Variants in OSBPL9 observed in about 807,000 individuals in gnomAD.
The protein encoded by OSBPL9 is oxysterol binding protein like 9, also known as oxysterol-binding protein-related protein 9.
OSBPL9 carries 40 observed loss-of-function variants against 106.6 expected under a neutral mutation model. The observed-to-expected ratio is 0.38, with a 90% CI of 0.29 to 0.49. OSBPL9 has a LOEUF of 0.49. Ranked by LOEUF, OSBPL9 falls within the 20% of genes least tolerant of loss-of-function variation. The pLI is 0.97. For synonymous variants in OSBPL9, 269 were observed against 295.4 expected, an observed-to-expected ratio of 0.91 and a Z score of 0.92; for missense variants, 609 against 887.2, an observed-to-expected ratio of 0.69 and a Z score of 3.98.
At chr1:51,622,841 C>T (rs937313788) in intron 1 of OSBPL9, among the ~76,000 whole-genome samples, 3 of 152,156 alleles carry the variant, frequency 2.0e-5, no homozygotes, top group African/African-American at 7.2e-5. Flanking sequence ...ACTCATGCTC[C>T]TGGGGATGGG....
intron 1 of OSBPL9, among the ~76,000 whole-genome samples, chr1:51,624,420 T>C (rs1037015338): frequency 6.6e-6 from 1 of 151,910 alleles, no homozygotes; most frequent in Admixed American, 6.6e-5. Flanking sequence ...AAACCCCGTC[T>C]GTACTAAAAA....
intron 3 of OSBPL9, among the ~76,000 whole-genome samples, chr1:51,708,571 A>G (rs1659128420): frequency 6.6e-6 from 1 of 152,174 alleles, no homozygotes; most frequent in Non-Finnish European, 1.5e-5. Flanking sequence ...TGTAAGCATC[A>G]TATACTTTTA....
intron 21 of OSBPL9, chr1:51,786,228 A>G (rs1291727857): frequency 4.5e-6 from 2 of 447,368 alleles, no homozygotes; most frequent in Non-Finnish European, 8.0e-6. Flanking sequence ...GAAGCACTAA[A>G]CTGTGTGTTT....
chr1:51,641,975 A>G (rs1645823690), intron 1 of OSBPL9, among the ~76,000 whole-genome samples: 1 of 152,244 alleles, frequency 6.6e-6, no homozygotes, highest in Non-Finnish European at 1.5e-5. Context: ...CTTTTAAAAA[A>G]GGTAAGTGTC....
At chr1:51,606,302 T>A (rs1221546175) in intron 2 of OSBPL9, among the ~76,000 whole-genome samples, 1 of 152,230 alleles carries the variant, frequency 6.6e-6, no homozygotes, top group Non-Finnish European at 1.5e-5. Context: ...GACTCTGAGA[T>A]CCTTGAGGAC....
At chr1:51,643,969 A>G (rs1645978778) in intron 1 of OSBPL9, among the ~76,000 whole-genome samples, 1 of 150,004 alleles carries the variant, frequency 6.7e-6, no homozygotes, top group South Asian at 2.1e-4. Flanking sequence ...AGTCCCAGCT[A>G]CTCTGGAGGC....
chr1:51,695,709 G>A lies in OSBPL9; in HGVS notation c.242-18294G>A, dbSNP rs369339357. ...ATTGCTGCTTTTTAGGTGCTATGTCGTTGTGAAATACTAAACTTTTCTGTT... is the reference window on the plus strand; with the variant it reads ...ATTGCTGCTTTTTAGGTGCTATGTCATTGTGAAATACTAAACTTTTCTGTT... On this transcript the variant is annotated intron_variant, in intron 3 of 23. Coordinates refer to ENST00000428468, the MANE Select transcript of OSBPL9 (RefSeq NM_024586.6). Among the ~76,000 whole-genome samples, 4 of 152,230 alleles carry A rather than the reference G, an allele frequency of 2.6e-5. No homozygotes were observed. In the South Asian group the frequency reaches 6.2e-4, roughly 24 times the overall value.
At chr1:51,748,665 C>G (rs573999606) in intron 7 of OSBPL9, among the ~76,000 whole-genome samples, 1 of 152,258 alleles carries the variant, frequency 6.6e-6, no homozygotes, top group African/African-American at 2.4e-5. Context: ...CTTCCACGCA[C>G]AGTGGATATG....
At position 51,659,006 on chromosome 1, in the gene OSBPL9, T is replaced by C. The variant is rs568219758; in HGVS notation, c.162+6965T>C. On this transcript the variant is annotated intron_variant, in intron 2 of 23. Coordinates refer to ENST00000428468, the MANE Select transcript of OSBPL9 (RefSeq NM_024586.6). ...GATGTAAACATCTATTTAATCTCTG[T>C]GATTGGTACATAGATGTCATTAGTG... 1.5e-3 allele frequency among the ~76,000 whole-genome samples: 222 copies of C among 152,240 alleles called. 1 individual carries two copies. The highest frequency in any genetic ancestry group is 5.0e-3 in the African/African-American group (207 of 41,570).
intron 1 of OSBPL9, 146 bp downstream of exon 1, chr1:51,617,367 T>C: frequency 1.3e-6 from 1 of 794,184 alleles, no homozygotes; most frequent in South Asian, 1.9e-5. Context: ...GGGGAGGGTT[T>C]TACGTCTCGG....
intron 3 of OSBPL9, among the ~76,000 whole-genome samples, chr1:51,704,928 T>G (rs927164191): frequency 6.6e-6 from 1 of 152,218 alleles, no homozygotes; most frequent in Non-Finnish European, 1.5e-5. Context: ...AGAGTGTTGC[T>G]ACCTCCTTAA....
At chr1:51,536,901 T>C in the OSBPL9 span, among the ~76,000 whole-genome samples, 1 of 152,256 alleles carries the variant, frequency 6.6e-6, no homozygotes, top group African/African-American at 2.4e-5. Context: ...ATTAAGGTGG[T>C]ATCTACCAGA....
intron 1 of OSBPL9, among the ~76,000 whole-genome samples, chr1:51,596,463 G>A (rs1284352577): frequency 2.0e-5 from 3 of 150,806 alleles, no homozygotes; most frequent in African/African-American, 7.3e-5. Context: ...AGAGGCTGAG[G>A]CAGGAGAATC....
At chr1:51,707,159 C>A in intron 3 of OSBPL9, 1 of 393,188 alleles carries the variant, frequency 2.5e-6, no homozygotes, top group East Asian at 8.1e-5. Flanking sequence ...CCATGTGGAC[C>A]ATGAGGTCCA....
At chr1:51,678,676 A>G (rs1189015100) in intron 3 of OSBPL9, among the ~76,000 whole-genome samples, 2 of 152,196 alleles carry the variant, frequency 1.3e-5, no homozygotes, top group Non-Finnish European at 2.9e-5. Context: ...ATAAATAAAT[A>G]AATAAATGCA....
chr1:51,675,368 AATTTATTTATTT>A (rs1267111339), intron 3 of OSBPL9, among the ~76,000 whole-genome samples: 1 of 151,182 alleles, frequency 6.6e-6, no homozygotes, highest in African/African-American at 2.4e-5. Flanking sequence ...TTAATTAATT[AATTTATTTATTT>A]ATTTATTTTT....
At chr1:51,632,960 C>T (rs1488178359) in intron 1 of OSBPL9, among the ~76,000 whole-genome samples, 1 of 151,932 alleles carries the variant, frequency 6.6e-6, no homozygotes, top group African/African-American at 2.4e-5. Flanking sequence ...TTTAAATTGC[C>T]TTTTAAAAAA....
intron 1 of OSBPL9, among the ~76,000 whole-genome samples, chr1:51,647,220 T>G (rs1646216054): frequency 6.6e-6 from 1 of 152,172 alleles, no homozygotes; most frequent in African/African-American, 2.4e-5. Flanking sequence ...ATATGGTATA[T>G]TATATTGATT....
chr1:51,734,127 T>C (rs1395489547), intron 4 of OSBPL9, among the ~76,000 whole-genome samples: 3 of 152,248 alleles, frequency 2.0e-5, no homozygotes, highest in Non-Finnish European at 2.9e-5. Flanking sequence ...GTTTGGTTGC[T>C]CTGTATGTGT....
Sources: gnomAD v4.1 joint callset for allele counts (sites outside exome capture counted in the v4.1 genomes callset) on GRCh38, gnomAD v4.1.1 for gene constraint, MANE v1.5 for transcripts, NCBI Gene and HGNC (gene_info 2026-07-23, HGNC 2026-07-21) for gene names.